Variants in INSC observed in about 807,000 individuals in gnomAD.
INSC encodes INSC spindle orientation adaptor protein.
In INSC, 67 loss-of-function variants were observed where a neutral mutation model predicts 58.6. That is an observed-to-expected ratio of 1.14 (90% CI 0.94 to 1.40). The LOEUF is 1.40. INSC is among the 40% of genes most tolerant of loss of function. INSC has a pLI of 0.00. For missense variants in INSC, 714 were observed against 692.0 expected, an observed-to-expected ratio of 1.03 and a Z score of -0.36; for synonymous variants, 262 against 276.1, an observed-to-expected ratio of 0.95 and a Z score of 0.51.
intron 1 of INSC, among the ~76,000 whole-genome samples, chr11:15,133,323 G>A (rs932871289): frequency 3.3e-5 from 5 of 152,104 alleles, no homozygotes; most frequent in African/African-American, 1.2e-4. Flanking sequence ...GTATTTTAAT[G>A]TAGAAAAGTT....
At chr11:15,230,006 TA>T (rs1165430569) in intron 9 of INSC, among the ~76,000 whole-genome samples, 4 of 26,210 alleles carry the variant, frequency 1.5e-4, no homozygotes, top group Admixed American at 6.6e-4. Flanking sequence ...TATATATATA[TA>T]TATATAATAT....
intron 1 of INSC, among the ~76,000 whole-genome samples, chr11:15,126,759 C>A (rs184664300): frequency 6.6e-6 from 1 of 152,206 alleles, no homozygotes; most frequent in Non-Finnish European, 1.5e-5. Flanking sequence ...CATCTCCTCT[C>A]TCATCTAGCT....
chr11:15,112,565 C>T (rs757065094), upstream of INSC: 31 of 1,477,304 alleles, frequency 2.1e-5, no homozygotes, highest in Non-Finnish European at 2.5e-5. Flanking sequence ...TGTGCTGTGC[C>T]GTATGTATCT....
chr11:15,161,704 G>A (rs1170004936), intron 2 of INSC, among the ~76,000 whole-genome samples: 1 of 152,208 alleles, frequency 6.6e-6, no homozygotes, highest in Non-Finnish European at 1.5e-5. Context: ...GCTTAGGGGT[G>A]GAGAGAAGAA....
intron 1 of INSC, among the ~76,000 whole-genome samples, chr11:15,124,411 A>G (rs559577942): frequency 6.6e-6 from 1 of 152,234 alleles, no homozygotes; most frequent in African/African-American, 2.4e-5. Context: ...GAAATTAGAG[A>G]TTAGGCTCCT....
intron 1 of INSC, among the ~76,000 whole-genome samples, chr11:15,144,777 C>T (rs1848452987): frequency 1.3e-5 from 2 of 152,200 alleles, no homozygotes; most frequent in Admixed American, 6.5e-5. Context: ...AACCCTGTGT[C>T]GTTAGCCAAA....
intron 7 of INSC, among the ~76,000 whole-genome samples, chr11:15,213,141 T>TTG (rs997644147): frequency 5.0e-5 from 4 of 80,302 alleles, no homozygotes; most frequent in African/African-American, 1.7e-4. Flanking sequence ...ACTTGAGGAG[T>TTG]TTTTTTTTTT....
At chr11:15,201,172 A>G (rs1850576778) in intron 7 of INSC, among the ~76,000 whole-genome samples, 1 of 152,144 alleles carries the variant, frequency 6.6e-6, no homozygotes, top group Non-Finnish European at 1.5e-5. Flanking sequence ...GCAGGGCTCA[A>G]AGGGACACTC....
intron 2 of INSC, among the ~76,000 whole-genome samples, chr11:15,157,689 A>C (rs1342637722): frequency 6.6e-6 from 1 of 152,178 alleles, no homozygotes; most frequent in Non-Finnish European, 1.5e-5. Context: ...ACACAGTCCA[A>C]ACCTTAATGA....
chr11:15,201,936 C>T (rs559616231), intron 7 of INSC, among the ~76,000 whole-genome samples: 8 of 152,196 alleles, frequency 5.3e-5, no homozygotes, highest in Admixed American at 1.3e-4. Context: ...AGCTTCTTCA[C>T]TTTGGTCTGG....
chr11:15,127,042 A>G (rs1287256271), intron 1 of INSC, among the ~76,000 whole-genome samples: 1 of 152,162 alleles, frequency 6.6e-6, no homozygotes, highest in African/African-American at 2.4e-5. Context: ...GCCTGCTGAG[A>G]GAGAGGAGAG....
intron 4 of INSC, 42 bp from the exon 5 acceptor site, chr11:15,178,282 A>G (rs1017635039): frequency 1.2e-6 from 2 of 1,611,428 alleles, no homozygotes; most frequent in African/African-American, 2.7e-5. Flanking sequence ...GGCTGACCAC[A>G]TGCCCTTTCC....
chr11:15,132,861 AT>A (rs982027707), intron 1 of INSC, among the ~76,000 whole-genome samples: 1 of 152,120 alleles, frequency 6.6e-6, no homozygotes, highest in Non-Finnish European at 1.5e-5. Flanking sequence ...GCTGAGTTTC[AT>A]CATTGTTATT....
At chr11:15,217,297 A>G (rs1188542448) in intron 7 of INSC, among the ~76,000 whole-genome samples, 2 of 152,224 alleles carry the variant, frequency 1.3e-5, no homozygotes, top group Non-Finnish European at 2.9e-5. Flanking sequence ...CACTATCACA[A>G]GAACAGCATG....
chr11:15,168,033 T>C (rs939140985), intron 2 of INSC, among the ~76,000 whole-genome samples: 1 of 152,184 alleles, frequency 6.6e-6, no homozygotes, highest in Non-Finnish European at 1.5e-5. Context: ...CCCCAAGTTG[T>C]TGCTTGGGCA....
chr11:15,242,807 T>G (rs1852406032), intron 12 of INSC, among the ~76,000 whole-genome samples: 1 of 152,136 alleles, frequency 6.6e-6, no homozygotes, highest in Non-Finnish European at 1.5e-5. Context: ...CTCTTGGGTT[T>G]TGTTTGACCA....
intron 1 of INSC, among the ~76,000 whole-genome samples, chr11:15,128,414 T>G (rs1848049297): frequency 6.6e-6 from 1 of 152,206 alleles, no homozygotes; most frequent in Non-Finnish European, 1.5e-5. Context: ...TATATTTTAG[T>G]TTTTACAACA....
upstream of INSC, chr11:15,112,634 G>C: frequency 2.9e-6 from 1 of 343,198 alleles, no homozygotes; most frequent in Non-Finnish European, 4.3e-6. Flanking sequence ...GTGTGTGTGT[G>C]TGTATTGGGA....
chr11:15,165,227 G>T (rs372901924), intron 2 of INSC, among the ~76,000 whole-genome samples: 1 of 151,988 alleles, frequency 6.6e-6, no homozygotes, highest in South Asian at 2.1e-4. Flanking sequence ...AAAAATATGC[G>T]CCACCACTGC....
Sources: allele counts gnomAD v4.1 joint callset (sites outside exome capture counted in the v4.1 genomes callset), GRCh38; gene constraint gnomAD v4.1.1; transcripts MANE v1.5; gene names NCBI Gene and HGNC (gene_info 2026-07-23, HGNC 2026-07-21).